Variants in TDRD3 observed in about 807,000 individuals in gnomAD.
TDRD3 encodes the protein tudor domain containing 3.
Under a neutral mutation model 86.7 loss-of-function variants are expected in TDRD3, and 45 were observed. The ratio of observed to expected loss-of-function variants is 0.52; its 90% CI spans 0.41 to 0.67. TDRD3 has a LOEUF of 0.67. Among genes scored for constraint, TDRD3 ranks in the 30% least tolerant of loss-of-function variants. TDRD3 has a pLI of 0.00. For missense variants in TDRD3, 814 were observed against 889.0 expected (o/e 0.92, Z 1.07); for synonymous variants, 298 against 301.7 (o/e 0.99, Z 0.13).
chr13:60,509,327 G>A (rs750646404), intron 8 of TDRD3, among the ~76,000 whole-genome samples: 3 of 151,922 alleles, frequency 2.0e-5, no homozygotes, highest in East Asian at 1.9e-4. Context: ...AAAAGCTCCT[G>A]GGGGGTATCA....
chr13:60,436,466 G>A (rs1212873850), intron 1 of TDRD3, among the ~76,000 whole-genome samples: 1 of 152,094 alleles, frequency 6.6e-6, no homozygotes, highest in Non-Finnish European at 1.5e-5. Flanking sequence ...GAGAGACGGG[G>A]ATCCATTTTC....
At chr13:60,425,912 A>G (rs941511263) in intron 1 of TDRD3, among the ~76,000 whole-genome samples, 4 of 152,200 alleles carry the variant, frequency 2.6e-5, no homozygotes, top group Non-Finnish European at 5.9e-5. Flanking sequence ...CATTATACAT[A>G]TACAAAATAT....
At chr13:60,527,608 A>G (rs1957472504) in intron 10 of TDRD3, among the ~76,000 whole-genome samples, 1 of 152,202 alleles carries the variant, frequency 6.6e-6, no homozygotes, top group Non-Finnish European at 1.5e-5. Context: ...AACAGAATAA[A>G]AATCACTATG....
At chr13:60,498,642 C>G (rs746815951) in intron 8 of TDRD3, among the ~76,000 whole-genome samples, 2 of 152,128 alleles carry the variant, frequency 1.3e-5, no homozygotes, top group Non-Finnish European at 2.9e-5. Context: ...TTTACAGACC[C>G]AGAATCCCTT....
At chr13:60,447,100 G>C (rs1955420597) in intron 3 of TDRD3, among the ~76,000 whole-genome samples, 1 of 152,162 alleles carries the variant, frequency 6.6e-6, no homozygotes, top group African/African-American at 2.4e-5. Context: ...TATTAGAAAA[G>C]AGTGAAAGAA....
intron 1 of TDRD3, among the ~76,000 whole-genome samples, chr13:60,434,904 C>T (rs556401490): frequency 6.6e-6 from 1 of 152,248 alleles, no homozygotes; most frequent in East Asian, 1.9e-4. Context: ...GCTTTCTTTC[C>T]TGATTACCTC....
Position 60,509,913 on chromosome 13 carries a change from C to G in TDRD3, c.1009C>G (p.Leu337Val). 6.2e-7 allele frequency: 1 copy of G among 1,613,158 alleles called. No homozygotes were observed. The highest frequency in any genetic ancestry group is 8.5e-7 in the Non-Finnish European group (1 of 1,179,454). ...NKQKPVMGPP[L>V]RGRGKGRGRI... ...ACAGAAACCTGTTATGGGTCCTCCTCTGAGAGGTATAATTTATTAAGCAGT... is the reference window on the plus strand; with the variant it reads ...ACAGAAACCTGTTATGGGTCCTCCTGTGAGAGGTATAATTTATTAAGCAGT... The change falls in exon 9 of 14, where the codon CTG (leucine) becomes GTG (valine). Residue 337 changes from leucine (L) to valine (V), a missense_variant. By Grantham distance (32) the Leu-to-Val change is conservative. Transcript: ENST00000377881.
rs1215805618 is a variant in TDRD3 at position 60,533,081 on chromosome 13, TG to T, written c.1993-2023del. The stretch of plus-strand genomic sequence containing the variant: ...GAACAATTCACAGAACACAAAAGTG[TG>T]GGGCTAAGAAATAAAGGAAGAGGGG... On this transcript the variant is annotated intron_variant, in intron 11 of 13. Transcript: ENST00000377881. Among the ~76,000 whole-genome samples the T allele has an allele frequency of 2.4e-4, 37 of 151,980 alleles. 1 individual carries two copies. The highest frequency in any genetic ancestry group is 2.4e-3 in the Admixed American group (37 of 15,260).
chr13:60,396,630 C>A (rs982497903), upstream of TDRD3: 21 of 154,142 alleles, frequency 1.4e-4, no homozygotes, highest in Admixed American at 3.9e-4. Flanking sequence ...TGCCCCATTT[C>A]CCCATGTCCC....
intron 12 of TDRD3, among the ~76,000 whole-genome samples, chr13:60,553,221 C>T (rs971762856): frequency 1.3e-5 from 2 of 152,180 alleles, no homozygotes; most frequent in Non-Finnish European, 2.9e-5. Flanking sequence ...GATCACTGAA[C>T]GCTTTCAGGA....
chr13:60,405,328 T>G (rs1954209248), intron 1 of TDRD3, among the ~76,000 whole-genome samples: 1 of 152,116 alleles, frequency 6.6e-6, no homozygotes, highest in African/African-American at 2.4e-5. Context: ...TAGTCAGATA[T>G]AGTCTTATAG....
chr13:60,511,495 T>C (rs1957060039), intron 10 of TDRD3, among the ~76,000 whole-genome samples: 2 of 152,196 alleles, frequency 1.3e-5, no homozygotes, highest in Admixed American at 6.5e-5. Flanking sequence ...GTGGGCAAGA[T>C]TTATAAGCAT....
intron 8 of TDRD3, among the ~76,000 whole-genome samples, chr13:60,501,397 G>A (rs552863193): frequency 6.6e-6 from 1 of 152,300 alleles, no homozygotes; most frequent in South Asian, 2.1e-4. Flanking sequence ...ATTCCGATGG[G>A]TTGTAATACT....
intron 10 of TDRD3, among the ~76,000 whole-genome samples, chr13:60,525,603 T>C (rs1486103161): frequency 6.6e-6 from 1 of 152,240 alleles, no homozygotes; most frequent in Non-Finnish European, 1.5e-5. Flanking sequence ...TAGTCTAATG[T>C]ACATCATCAT....
At chr13:60,429,412 G>T (rs915681635) in intron 1 of TDRD3, among the ~76,000 whole-genome samples, 2 of 151,962 alleles carry the variant, frequency 1.3e-5, no homozygotes, top group Non-Finnish European at 2.9e-5. Flanking sequence ...TTGTAAAATG[G>T]CTAATTTTTC....
intron 1 of TDRD3, among the ~76,000 whole-genome samples, chr13:60,435,536 C>A (rs928155407): frequency 6.6e-6 from 1 of 152,140 alleles, no homozygotes; most frequent in Non-Finnish European, 1.5e-5. Flanking sequence ...TTTTCCATTC[C>A]TGAGTTAGTT....
At chr13:60,513,894 A>G (rs185673535) in intron 10 of TDRD3, among the ~76,000 whole-genome samples, 1 of 152,340 alleles carries the variant, frequency 6.6e-6, no homozygotes, top group East Asian at 1.9e-4. Flanking sequence ...AAGAAAATGA[A>G]CTAATATAGT....
At chr13:60,452,612 G>A (rs945784153) in intron 3 of TDRD3, among the ~76,000 whole-genome samples, 11 of 151,868 alleles carry the variant, frequency 7.2e-5, no homozygotes, top group African/African-American at 2.2e-4. Context: ...TAGGATAATC[G>A]ATAACATAGC....
chr13:60,518,793 C>T (rs1289748581), intron 10 of TDRD3, among the ~76,000 whole-genome samples: 1 of 152,132 alleles, frequency 6.6e-6, no homozygotes, highest in South Asian at 2.1e-4. Flanking sequence ...AAGAGCCAAA[C>T]CCAAAGGACC....
Sources: allele counts gnomAD v4.1 joint callset (sites outside exome capture counted in the v4.1 genomes callset), GRCh38; gene constraint gnomAD v4.1.1; transcripts MANE v1.5; gene names NCBI Gene and HGNC (gene_info 2026-07-23, HGNC 2026-07-21).